PTPRD: variants seen among roughly 807,000 people sequenced by gnomAD.
PTPRD encodes receptor-type tyrosine-protein phosphatase delta.
PTPRD carries 34 observed loss-of-function variants against 214.5 expected under a neutral mutation model. That is an observed-to-expected ratio of 0.16 (90% CI 0.12 to 0.21). The LOEUF (loss-of-function observed/expected upper bound fraction) is 0.21. PTPRD is among the 10% of genes least tolerant of loss of function. PTPRD has a pLI of 1.00. For synonymous variants in PTPRD, 1,128 were observed against 845.7 expected (o/e 1.33, Z -5.79); for missense variants, 2,545 against 2,398.7 (o/e 1.06, Z -1.27).
intron 3 of PTPRD, among the ~76,000 whole-genome samples, chr9:10,112,305 C>G (rs2098697812): frequency 6.6e-6 from 1 of 152,158 alleles, no homozygotes; most frequent in South Asian, 2.1e-4. Flanking sequence ...TTCTTATTAT[C>G]TTATCCATGG....
chr9:9,164,436 T>C (rs567261580), intron 10 of PTPRD, among the ~76,000 whole-genome samples: 132 of 152,298 alleles, frequency 8.7e-4, no homozygotes, highest in African/African-American at 3.1e-3. Context: ...GGTACTCTTC[T>C]GATCACGATA....
intron 2 of PTPRD, among the ~76,000 whole-genome samples, chr9:10,343,312 C>CT (rs1332148999): frequency 6.6e-6 from 1 of 152,000 alleles, no homozygotes; most frequent in Non-Finnish European, 1.5e-5. Context: ...TGAACTCATC[C>CT]TTTTTTATGG....
At chr9:10,519,183 G>C (rs1277653191) in intron 2 of PTPRD, among the ~76,000 whole-genome samples, 1 of 129,436 alleles carries the variant, frequency 7.7e-6, no homozygotes, top group African/African-American at 2.9e-5. Context: ...CTCCAGCTTT[G>C]CCAGTACACA....
chr9:9,060,147 A>C (rs1438906379), intron 10 of PTPRD, among the ~76,000 whole-genome samples: 1 of 152,206 alleles, frequency 6.6e-6, no homozygotes, highest in East Asian at 1.9e-4. Context: ...ACTTTTTCAG[A>C]TATCAAGGAT....
chr9:9,708,391 A>T (rs1316578548), intron 7 of PTPRD, among the ~76,000 whole-genome samples: 1 of 152,088 alleles, frequency 6.6e-6, no homozygotes, highest in Non-Finnish European at 1.5e-5. Flanking sequence ...ACTATATTTC[A>T]TTTATTCTTA....
At chr9:10,541,258 T>C (rs561556381) in intron 2 of PTPRD, among the ~76,000 whole-genome samples, 6 of 152,268 alleles carry the variant, frequency 3.9e-5, no homozygotes, top group Admixed American at 2.6e-4. Flanking sequence ...TGATTAAAGA[T>C]ATAATGAGAG....
intron 12 of PTPRD, among the ~76,000 whole-genome samples, chr9:8,681,188 G>A (rs575794815): frequency 6.6e-6 from 1 of 152,196 alleles, no homozygotes. Context: ...ATCCATAGAC[G>A]CAGACACTCA....
chr9:9,075,563 C>A (rs2099749807), intron 10 of PTPRD, among the ~76,000 whole-genome samples: 1 of 151,920 alleles, frequency 6.6e-6, no homozygotes, highest in South Asian at 2.1e-4. Flanking sequence ...CCTCCCCCAT[C>A]CCCCACCCCA....
At chr9:10,364,099 A>G (rs1033818359) in intron 2 of PTPRD, among the ~76,000 whole-genome samples, 19 of 140,342 alleles carry the variant, frequency 1.4e-4, no homozygotes, top group Non-Finnish European at 2.7e-4. Context: ...TCCCGGGTTC[A>G]TGCCATTCTC....
chr9:8,321,453 AGTC>A (rs1204157781), intron 44 of PTPRD, among the ~76,000 whole-genome samples: 6 of 117,490 alleles, frequency 5.1e-5, no homozygotes, highest in Non-Finnish European at 1.1e-4. Context: ...AATATATAGA[AGTC>A]TTCTTTGTGT....
chr9:9,862,639 T>C (rs530275835), intron 5 of PTPRD, among the ~76,000 whole-genome samples: 1 of 143,916 alleles, frequency 6.9e-6, no homozygotes, highest in East Asian at 2.1e-4. Flanking sequence ...GATTTGTATG[T>C]AGAAATACTT....
At chr9:8,553,540 T>C (rs1040557686) in intron 14 of PTPRD, among the ~76,000 whole-genome samples, 10 of 152,126 alleles carry the variant, frequency 6.6e-5, no homozygotes, top group Non-Finnish European at 1.2e-4. Context: ...TCAACTACAC[T>C]ATCTACCAGG....
At chr9:9,941,317 A>T (rs2091392797) in intron 4 of PTPRD, among the ~76,000 whole-genome samples, 1 of 152,112 alleles carries the variant, frequency 6.6e-6, no homozygotes, top group Non-Finnish European at 1.5e-5. Flanking sequence ...ACATTAAGTG[A>T]ATGAAGAAAT....
intron 4 of PTPRD, among the ~76,000 whole-genome samples, chr9:10,001,467 TC>T (rs1488950538): frequency 1.3e-5 from 2 of 152,118 alleles, no homozygotes; most frequent in Non-Finnish European, 2.9e-5. Context: ...AACATCATAG[TC>T]AAATTATCAG....
intron 7 of PTPRD, among the ~76,000 whole-genome samples, chr9:9,575,815 T>TA (rs2088509817): frequency 6.8e-6 from 1 of 147,864 alleles, no homozygotes; most frequent in Non-Finnish European, 1.5e-5. Context: ...GAGCCCTTTG[T>TA]AAAAGTTTTC....
At chr9:9,714,898 G>A (rs757665532) in intron 7 of PTPRD, among the ~76,000 whole-genome samples, 1 of 152,146 alleles carries the variant, frequency 6.6e-6, no homozygotes, top group Non-Finnish European at 1.5e-5. Context: ...AAATAGGGGG[G>A]TAAATTGGGC....
At chr9:8,390,070 G>A (rs1017009934) in intron 36 of PTPRD, among the ~76,000 whole-genome samples, 6 of 152,138 alleles carry the variant, frequency 3.9e-5, no homozygotes, top group African/African-American at 1.2e-4. Context: ...CTCGTGATTT[G>A]TTGTAAGCAG....
Position 10,093,652 on chromosome 9 carries a change from T to G in PTPRD, c.-544-59862A>C, listed in dbSNP as rs2098454711. ...AAAGACATATGTATTCATAAGTTCATTACAACACCATTTACAATAACAAAC... is the reference window on the plus strand; with the variant it reads ...AAAGACATATGTATTCATAAGTTCAGTACAACACCATTTACAATAACAAAC... On this transcript the variant is annotated intron_variant, in intron 3 of 45. Transcript: ENST00000381196. Among the ~76,000 whole-genome samples the G allele has an allele frequency of 2.0e-5, 3 of 151,652 alleles. No homozygotes were observed. In the Admixed American group the frequency reaches 2.0e-4, roughly 10 times the overall value.
intron 2 of PTPRD, among the ~76,000 whole-genome samples, chr9:10,600,061 A>T (rs948940333): frequency 6.6e-6 from 1 of 151,812 alleles, no homozygotes; most frequent in South Asian, 2.1e-4. Context: ...GTCATTTAAA[A>T]TACAGAGATG....
Sources: gnomAD v4.1 joint callset for allele counts (sites outside exome capture counted in the v4.1 genomes callset) on GRCh38, gnomAD v4.1.1 for gene constraint, MANE v1.5 for transcripts, NCBI Gene and HGNC (gene_info 2026-07-23, HGNC 2026-07-21) for gene names.